MARK1: variants seen among roughly 807,000 people sequenced by gnomAD.
MARK1 encodes the protein microtubule affinity regulating kinase 1.
A neutral mutation model predicts 96.3 loss-of-function variants in MARK1; 40 were observed. That is an observed-to-expected ratio of 0.42 (90% CI 0.32 to 0.54). The LOEUF (loss-of-function observed/expected upper bound fraction) is 0.54, where lower values mean the gene tolerates loss of function less well. Ranked by LOEUF, MARK1 falls within the 20% of genes least tolerant of loss-of-function variation. MARK1 has a pLI of 0.16. For missense variants in MARK1, 719 were observed against 984.6 expected, an observed-to-expected ratio of 0.73 and a Z score of 3.61; for synonymous variants, 317 against 341.2, an observed-to-expected ratio of 0.93 and a Z score of 0.78.
intron 1 of MARK1, among the ~76,000 whole-genome samples, chr1:220,560,740 A>G (rs1662611905): frequency 6.6e-6 from 1 of 152,218 alleles, no homozygotes; most frequent in Admixed American, 6.5e-5. Context: ...TTTAAAATGT[A>G]TGAATTGCCT....
chr1:220,630,978 A>G (rs1391358199), intron 9 of MARK1, 57 bp from the exon 10 acceptor site: 2 of 1,196,030 alleles, frequency 1.7e-6, no homozygotes, highest in Non-Finnish European at 2.5e-6. Context: ...AAATAGAGCT[A>G]TAATAAGTGG....
At chr1:220,650,875 G>C (rs965103804) in intron 14 of MARK1, among the ~76,000 whole-genome samples, 155 bp downstream of exon 14, 9 of 152,150 alleles carry the variant, frequency 5.9e-5, no homozygotes, top group Admixed American at 4.6e-4. Context: ...CATCTTTCCT[G>C]TACCAGGATA....
chr1:220,601,298 C>CTTT (rs5781182), intron 5 of MARK1, among the ~76,000 whole-genome samples: 3 of 134,732 alleles, frequency 2.2e-5, no homozygotes, highest in Admixed American at 2.2e-4. Flanking sequence ...ATATTTTAGT[C>CTTT]TTTTTTTTTT....
intron 13 of MARK1, among the ~76,000 whole-genome samples, chr1:220,643,957 C>T (rs898870607): frequency 1.3e-5 from 2 of 152,174 alleles, no homozygotes; most frequent in Admixed American, 6.5e-5. Context: ...CCAGCCATTA[C>T]AAAAACACAC....
chr1:220,649,158 G>A (rs995565120), intron 13 of MARK1, among the ~76,000 whole-genome samples: 1 of 152,076 alleles, frequency 6.6e-6, no homozygotes, highest in East Asian at 1.9e-4. Flanking sequence ...GAACTTTTGT[G>A]TAAGTTAGTT....
rs1189464504 is a variant in MARK1, at chr1:220,663,886, T to C, written c.*1720T>C. The C allele has an allele frequency of 6.6e-6, 1 of 152,638 alleles. No individual in the cohort carries two copies. Among genetic ancestry groups the C allele is most frequent in the East Asian group, 1.9e-4 (1 of 5,200 alleles). The allele number at this position is 152,638 out of a possible 1,614,324, so 9.5% of individuals were successfully genotyped here. A position where few individuals can be genotyped will look rare whatever the true frequency, so the allele number is the denominator to read the frequency against. On this transcript the variant is annotated 3_prime_UTR_variant, in exon 18 of 18. Coordinates refer to ENST00000366917, the MANE Select transcript of MARK1 (RefSeq NM_018650.5). The stretch of plus-strand genomic sequence containing the variant: ...ACTTTCACTGGTGCACACTGAAATT[T>C]TACTTGAACAGTTCTCATAATAAAG...
chr1:220,535,618 G>A (rs1572036415), intron 1 of MARK1, among the ~76,000 whole-genome samples: 1 of 151,960 alleles, frequency 6.6e-6, no homozygotes, highest in Admixed American at 6.6e-5. Context: ...CTTCTCCTAT[G>A]TTTTCTTCTA....
chr1:220,583,150 G>A (rs979226070), intron 3 of MARK1, among the ~76,000 whole-genome samples: 1 of 152,082 alleles, frequency 6.6e-6, no homozygotes, highest in Admixed American at 6.6e-5. Flanking sequence ...TTGCTTCCAT[G>A]TCTTAGGTAT....
intron 6 of MARK1, among the ~76,000 whole-genome samples, chr1:220,606,715 G>A (rs1451907561): frequency 1.3e-5 from 2 of 152,126 alleles, no homozygotes; most frequent in Non-Finnish European, 2.9e-5. Flanking sequence ...GTAAGGAAGG[G>A]ATCCAGTTTC....
chr1:220,587,096 C>A (rs1222786207), intron 3 of MARK1, among the ~76,000 whole-genome samples: 1 of 152,052 alleles, frequency 6.6e-6, no homozygotes, highest in Non-Finnish European at 1.5e-5. Context: ...TGAATTTGAT[C>A]TTTCTTATTC....
chr1:220,645,289 T>TC (rs1369232473), intron 13 of MARK1, among the ~76,000 whole-genome samples: 3 of 152,032 alleles, frequency 2.0e-5, no homozygotes, highest in Non-Finnish European at 4.4e-5. Flanking sequence ...TAAAAACACC[T>TC]CTATGCAAAT....
At chr1:220,573,056 T>C (rs534792077) in intron 1 of MARK1, among the ~76,000 whole-genome samples, 1 of 152,296 alleles carries the variant, frequency 6.6e-6, no homozygotes, top group African/African-American at 2.4e-5. Context: ...CCCTGACTCC[T>C]TTTAAGGTTT....
At chr1:220,567,842 A>T (rs960299750) in intron 1 of MARK1, among the ~76,000 whole-genome samples, 2 of 152,196 alleles carry the variant, frequency 1.3e-5, no homozygotes, top group Admixed American at 1.3e-4. Context: ...ACTATTTGAT[A>T]CTAAGTCTGT....
At chr1:220,572,449 G>C (rs1465987476) in intron 1 of MARK1, among the ~76,000 whole-genome samples, 4 of 152,084 alleles carry the variant, frequency 2.6e-5, no homozygotes, top group Non-Finnish European at 5.9e-5. Context: ...CTCCATGTTG[G>C]TCAGGCTGGT....
chr1:220,533,222 ATAT>A (rs375722229), intron 1 of MARK1, among the ~76,000 whole-genome samples: 1 of 152,086 alleles, frequency 6.6e-6, no homozygotes, highest in African/African-American at 2.4e-5. Flanking sequence ...ATTGCAGCTA[ATAT>A]TGTTGTTTGT....
intron 6 of MARK1, among the ~76,000 whole-genome samples, chr1:220,614,281 A>G (rs1161483680): frequency 6.6e-6 from 1 of 151,998 alleles, no homozygotes; most frequent in Non-Finnish European, 1.5e-5. Flanking sequence ...CAAAGTGCCG[A>G]GATTATAGGC....
In MARK1 at chr1:220,654,604, G is replaced by A. The variant is rs1272769305; in HGVS notation, c.1988+1252G>A. On this transcript the variant is annotated intron_variant, in intron 16 of 17. Transcript: ENST00000366917. This position sits in a 1 kb window ranked among gnomAD's most constrained non-coding sequence, Gnocchi z 4.0. Reference sequence around the variant, plus strand: ...AACTAAAAGTTCACCAACAGAGTCAGCATGGAAGTTAGATCATAGTGTTAG... The same window carrying A: ...AACTAAAAGTTCACCAACAGAGTCAACATGGAAGTTAGATCATAGTGTTAG... Among the ~76,000 whole-genome samples, 1 of 152,238 alleles carries A rather than the reference G, an allele frequency of 6.6e-6. No homozygotes were observed. Among genetic ancestry groups the A allele is most frequent in the Non-Finnish European group, 1.5e-5 (1 of 68,050 alleles).
At chr1:220,661,080 G>A (rs780000829) in intron 17 of MARK1, among the ~76,000 whole-genome samples, 4 of 152,220 alleles carry the variant, frequency 2.6e-5, no homozygotes, top group African/African-American at 9.6e-5. Flanking sequence ...TCATGACAGA[G>A]GGAACAGTCT....
chr1:220,662,994 C>T lies in MARK1; in HGVS notation c.*828C>T, dbSNP rs938970180. The T allele has an allele frequency of 2.0e-5, 3 of 152,586 alleles. No individual in the cohort carries two copies. Among genetic ancestry groups the T allele is most frequent in the Admixed American group, 1.3e-4 (2 of 15,276 alleles). 9.5% of individuals were successfully genotyped at this position (152,586 alleles called of 1,614,324 possible). A position where few individuals can be genotyped will look rare whatever the true frequency, so the allele number is the denominator to read the frequency against. ...ATCTGGCTATTATAACATAAACTGT[C>T]ACGTAGGTTTGCTGCCTTCAGAATA... On this transcript the variant is annotated 3_prime_UTR_variant, in exon 18 of 18. Transcript: ENST00000366917.
Sources: allele counts gnomAD v4.1 joint callset (sites outside exome capture counted in the v4.1 genomes callset), GRCh38; gene constraint gnomAD v4.1.1; non-coding constraint Gnocchi (gnomAD v3.1); transcripts MANE v1.5; gene names NCBI Gene and HGNC (gene_info 2026-07-23, HGNC 2026-07-21).